KIAA0825: variants seen among roughly 807,000 people sequenced by gnomAD.
KIAA0825 encodes uncharacterized protein KIAA0825.
Under a neutral mutation model 147.6 loss-of-function variants are expected in KIAA0825, and 119 were observed. The observed-to-expected ratio is 0.81, with a 90% CI of 0.69 to 0.94. The LOEUF (loss-of-function observed/expected upper bound fraction) is 0.94. KIAA0825 is among the 40% of genes least tolerant of loss of function. The probability of loss-of-function intolerance (pLI) is 0.00; values close to 1 mark genes in which losing one functional copy is unlikely to be tolerated. For synonymous variants in KIAA0825, 470 were observed against 518.1 expected (o/e 0.91, Z 1.26); for missense variants, 1,381 against 1,472.7 (o/e 0.94, Z 1.02).
At chr5:94,256,930 CAATT>C (rs1324253509) in intron 20 of KIAA0825, among the ~76,000 whole-genome samples, 1 of 152,062 alleles carries the variant, frequency 6.6e-6, no homozygotes, top group Non-Finnish European at 1.5e-5. Context: ...CTCTCTGTGA[CAATT>C]AAAGATCTGT....
intron 20 of KIAA0825, among the ~76,000 whole-genome samples, chr5:94,272,151 T>C (rs1240027188): frequency 7.3e-6 from 1 of 136,540 alleles, no homozygotes; most frequent in Non-Finnish European, 1.6e-5. Flanking sequence ...ATTGAACTCA[T>C]GGAGATAGAG....
rs1199364179 is a variant in KIAA0825, at chr5:94,153,197, A to G, written c.*810T>C. 2 of 151,784 alleles carry G rather than the reference A, an allele frequency of 1.3e-5. No individual in the cohort carries two copies. Among genetic ancestry groups the G allele is most frequent in the African/African-American group, 4.8e-5 (2 of 41,322 alleles). 9.4% of individuals were successfully genotyped at this position (151,784 alleles called of 1,614,324 possible). ...CTGTTTTCTTATTTTGTGTGTGTGT[A>G]TCAATACAATGAAAAAATTTTAAAG... On this transcript the variant is annotated 3_prime_UTR_variant, in exon 21 of 21. Transcript: ENST00000682413.
chr5:94,234,911 C>T (rs550931134), intron 20 of KIAA0825, among the ~76,000 whole-genome samples: 31 of 152,220 alleles, frequency 2.0e-4, no homozygotes, highest in Admixed American at 4.6e-4. Flanking sequence ...GCATCAACTG[C>T]GCCCACAGAA....
chr5:94,228,657 C>G (rs1774417224), intron 20 of KIAA0825, among the ~76,000 whole-genome samples: 1 of 152,118 alleles, frequency 6.6e-6, no homozygotes, highest in Non-Finnish European at 1.5e-5. Context: ...GTTTCCAGTC[C>G]CTACGCCAAA....
chr5:94,294,554 T>C (rs1778050143), intron 20 of KIAA0825, among the ~76,000 whole-genome samples: 1 of 152,124 alleles, frequency 6.6e-6, no homozygotes, highest in Non-Finnish European at 1.5e-5. Flanking sequence ...GGTGAAACCC[T>C]GTTTCTACTA....
At chr5:94,554,816 G>A (rs773781406) in intron 2 of KIAA0825, among the ~76,000 whole-genome samples, 14 of 140,484 alleles carry the variant, frequency 1.0e-4, no homozygotes, top group Non-Finnish European at 1.7e-4. Context: ...TCTTATTAAA[G>A]ATATGGAAAC....
chr5:94,455,723 T>C (rs906321349), intron 12 of KIAA0825, among the ~76,000 whole-genome samples: 7 of 152,044 alleles, frequency 4.6e-5, no homozygotes, highest in African/African-American at 1.7e-4. Flanking sequence ...AGAATAATTA[T>C]TAAAAACAGA....
chr5:94,248,140 T>C (rs553727623), intron 20 of KIAA0825, among the ~76,000 whole-genome samples: 39 of 152,200 alleles, frequency 2.6e-4, no homozygotes, highest in Non-Finnish European at 5.0e-4. Context: ...GATTTTAGGG[T>C]ATTGCTAAAA....
At chr5:94,309,792 G>A (rs1045929187) in intron 20 of KIAA0825, among the ~76,000 whole-genome samples, 2 of 151,642 alleles carry the variant, frequency 1.3e-5, no homozygotes, top group Non-Finnish European at 3.0e-5. Flanking sequence ...AACAGAGAGG[G>A]ACAAGGAGAG....
chr5:94,537,943 G>A (rs1772424630), intron 2 of KIAA0825, among the ~76,000 whole-genome samples: 1 of 152,124 alleles, frequency 6.6e-6, no homozygotes, highest in South Asian at 2.1e-4. Flanking sequence ...GACAACCTCA[G>A]CATGGATACC....
chr5:94,201,105 A>AT (rs1474055145), intron 20 of KIAA0825, among the ~76,000 whole-genome samples: 1 of 150,082 alleles, frequency 6.7e-6, no homozygotes, highest in Non-Finnish European at 1.5e-5. Context: ...AGCATAAAAA[A>AT]TAGAACTATT....
intron 20 of KIAA0825, among the ~76,000 whole-genome samples, chr5:94,315,539 TAA>T (rs1371435281): frequency 6.6e-6 from 1 of 151,712 alleles, no homozygotes; most frequent in Non-Finnish European, 1.5e-5. Context: ...ATGGTGAGCC[TAA>T]GTTTTATAGT....
intron 15 of KIAA0825, chr5:94,413,559 T>C (rs1199847878): frequency 1.3e-5 from 2 of 152,212 alleles, no homozygotes; most frequent in African/African-American, 2.4e-5. Flanking sequence ...TTTCTATTTA[T>C]ATGAAATTCT....
At chr5:94,199,448 A>C (rs1451587144) in intron 20 of KIAA0825, among the ~76,000 whole-genome samples, 1 of 152,060 alleles carries the variant, frequency 6.6e-6, no homozygotes, top group Non-Finnish European at 1.5e-5. Context: ...TCTGACAAAA[A>C]CACCCCAATG....
intron 20 of KIAA0825, among the ~76,000 whole-genome samples, chr5:94,227,977 T>A (rs569895121): frequency 1.4e-4 from 21 of 151,994 alleles, no homozygotes; most frequent in East Asian, 5.8e-4. Context: ...TAAAAAAAAA[T>A]TTTAAGTTTT....
At chr5:94,418,239 A>G (rs1436474117) in intron 14 of KIAA0825, among the ~76,000 whole-genome samples, 1 of 152,150 alleles carries the variant, frequency 6.6e-6, no homozygotes, top group Non-Finnish European at 1.5e-5. Context: ...GAATATCATT[A>G]CTTTTATGTT....
At chr5:94,512,152 T>C (rs1461535211) in intron 5 of KIAA0825, among the ~76,000 whole-genome samples, 1 of 152,260 alleles carries the variant, frequency 6.6e-6, no homozygotes, top group Non-Finnish European at 1.5e-5. Flanking sequence ...TGTTGTGGTA[T>C]AGGAACAGAC....
In KIAA0825 at chr5:94,341,289, T is replaced by C. The variant is rs74346340; in HGVS notation, c.3710+43079A>G. On this transcript the variant is annotated intron_variant, in intron 20 of 20. Coordinates refer to ENST00000682413, the MANE Select transcript of KIAA0825 (RefSeq NM_001145678.3). ...TGTTTAAAATTCCCATATAAGAACTTGCTAAAATCCTCTGTCTTATAAAAT... is the reference window on the plus strand; with the variant it reads ...TGTTTAAAATTCCCATATAAGAACTCGCTAAAATCCTCTGTCTTATAAAAT... Among the ~76,000 whole-genome samples the C allele has an allele frequency of 9.2e-5, 14 of 152,332 alleles. No homozygotes were observed. In the East Asian group the frequency reaches 2.5e-3, roughly 27 times the overall value.
intron 15 of KIAA0825, 145 bp downstream of exon 15, chr5:94,417,056 A>T (rs1248011909): frequency 4.6e-6 from 3 of 652,690 alleles, no homozygotes; most frequent in Non-Finnish European, 7.5e-6. Flanking sequence ...TCCCAACAGA[A>T]GGCTTTATAC....
Sources: allele counts gnomAD v4.1 joint callset (sites outside exome capture counted in the v4.1 genomes callset), GRCh38; gene constraint gnomAD v4.1.1; transcripts MANE v1.5; gene names NCBI Gene and HGNC (gene_info 2026-07-23, HGNC 2026-07-21).